MAP4K3: variants seen among roughly 807,000 people sequenced by gnomAD.
MAP4K3 encodes MAPK/ERK kinase kinase kinase 3.
In MAP4K3, 94 loss-of-function variants were observed where a neutral mutation model predicts 143.5. The ratio of observed to expected loss-of-function variants is 0.65; its 90% CI spans 0.55 to 0.78. MAP4K3 has a LOEUF of 0.78. MAP4K3 is among the 30% of genes least tolerant of loss of function. The pLI, the probability that MAP4K3 is intolerant of heterozygous loss-of-function variation, is 0.00. For missense variants in MAP4K3, 1,077 were observed against 1,068.1 expected (o/e 1.01, Z -0.12); for synonymous variants, 416 against 347.2 (o/e 1.20, Z -2.20).
At chr2:39,365,794 AC>A (rs1665906686) in intron 2 of MAP4K3, among the ~76,000 whole-genome samples, 1 of 152,196 alleles carries the variant, frequency 6.6e-6, no homozygotes, top group South Asian at 2.1e-4. Context: ...GTAAGCTTAG[AC>A]TACGAAAAAT....
At chr2:39,389,224 C>T (rs1666588662) in intron 1 of MAP4K3, among the ~76,000 whole-genome samples, 2 of 151,912 alleles carry the variant, frequency 1.3e-5, no homozygotes, top group African/African-American at 4.8e-5. Flanking sequence ...AAATTAAAAA[C>T]CTAACTGGTG....
chr2:39,290,368 C>T, intron 18 of MAP4K3, 34 bp from the exon 19 acceptor site: 8 of 1,441,256 alleles, frequency 5.6e-6, no homozygotes, highest in Non-Finnish European at 6.7e-6. Context: ...CAGAACTATT[C>T]ATTTTACAAA....
At chr2:39,352,850 C>T (rs571376641) in intron 3 of MAP4K3, among the ~76,000 whole-genome samples, 2 of 152,300 alleles carry the variant, frequency 1.3e-5, no homozygotes, top group South Asian at 4.1e-4. Flanking sequence ...GGTCAAACTA[C>T]ATTTGCTCAG....
chr2:39,307,615 T>C (rs1682756991), intron 15 of MAP4K3, among the ~76,000 whole-genome samples: 1 of 151,752 alleles, frequency 6.6e-6, no homozygotes, highest in Non-Finnish European at 1.5e-5. Context: ...TCTAGTTCAT[T>C]AAAACAAGTT....
chr2:39,265,666 C>A (rs1169070088), intron 27 of MAP4K3, among the ~76,000 whole-genome samples: 5 of 152,154 alleles, frequency 3.3e-5, no homozygotes, highest in African/African-American at 1.2e-4. Flanking sequence ...AGTTGTCAGA[C>A]TCCTAAGATA....
intron 24 of MAP4K3, among the ~76,000 whole-genome samples, chr2:39,275,095 C>CA (rs1558615439): frequency 6.6e-6 from 1 of 151,764 alleles, no homozygotes; most frequent in South Asian, 2.1e-4. Flanking sequence ...GGCAATGTTT[C>CA]AAAAAAAATT....
chr2:39,407,861 C>T (rs1171841747), intron 1 of MAP4K3, among the ~76,000 whole-genome samples: 1 of 152,168 alleles, frequency 6.6e-6, no homozygotes, highest in Non-Finnish European at 1.5e-5. Flanking sequence ...CAGGTGTAGG[C>T]CACTGTGTCT....
intron 22 of MAP4K3, 115 bp downstream of exon 22, chr2:39,282,398 G>C: frequency 1.2e-6 from 1 of 837,960 alleles, no homozygotes; most frequent in Non-Finnish European, 2.0e-6. Flanking sequence ...CAATCTTATA[G>C]ATTTTTTTTC....
intron 21 of MAP4K3, among the ~76,000 whole-genome samples, chr2:39,284,474 T>C (rs1681678312): frequency 6.6e-6 from 1 of 152,148 alleles, no homozygotes; most frequent in African/African-American, 2.4e-5. Context: ...CAAAACATCA[T>C]TTTAAATTAG....
intron 1 of MAP4K3, among the ~76,000 whole-genome samples, chr2:39,378,861 ATGTG>A (rs1666289203): frequency 6.6e-6 from 1 of 151,584 alleles, no homozygotes; most frequent in Non-Finnish European, 1.5e-5. Flanking sequence ...TAATTATATT[ATGTG>A]TATTTATGTG....
chr2:39,293,833 C>T (rs902897851), intron 16 of MAP4K3: 16 of 153,240 alleles, frequency 1.0e-4, no homozygotes, highest in African/African-American at 3.9e-4. Context: ...ACGGAAGACA[C>T]TCACTTACCT....
intron 2 of MAP4K3, among the ~76,000 whole-genome samples, chr2:39,358,398 G>T (rs1665671915): frequency 6.6e-6 from 1 of 152,164 alleles, no homozygotes. Context: ...TTTCTATGAT[G>T]ACTGTAAATC....
chr2:39,257,011 T>A (rs1442808198), intron 31 of MAP4K3, among the ~76,000 whole-genome samples: 1 of 152,210 alleles, frequency 6.6e-6, no homozygotes, highest in African/African-American at 2.4e-5. Flanking sequence ...AACATCTTGA[T>A]CAGATATCCC....
At chr2:39,326,861 G>A (rs1407870989) in intron 8 of MAP4K3, among the ~76,000 whole-genome samples, 1 of 152,100 alleles carries the variant, frequency 6.6e-6, no homozygotes, top group African/African-American at 2.4e-5. Flanking sequence ...GCCACCTTGT[G>A]AAGAAGGTGC....
At chr2:39,281,801 ATAATT>A (rs1389131122) in intron 22 of MAP4K3, among the ~76,000 whole-genome samples, 3 of 150,458 alleles carry the variant, frequency 2.0e-5, no homozygotes, top group African/African-American at 7.3e-5. Flanking sequence ...TAAAATATTT[ATAATT>A]TAAGTATTAT....
chr2:39,405,384 C>G (rs1410639441), intron 1 of MAP4K3, among the ~76,000 whole-genome samples: 2 of 152,180 alleles, frequency 1.3e-5, no homozygotes, highest in African/African-American at 4.8e-5. Context: ...TCCTTTACTG[C>G]AGGTATGGCT....
intron 4 of MAP4K3, among the ~76,000 whole-genome samples, chr2:39,341,507 A>G (rs1272064763): frequency 1.3e-5 from 2 of 151,930 alleles, no homozygotes; most frequent in Non-Finnish European, 2.9e-5. Flanking sequence ...AAATATAAAA[A>G]TTAGCCGGTG....
chr2:39,393,505 T>A (rs955080165), intron 1 of MAP4K3, among the ~76,000 whole-genome samples: 1 of 152,244 alleles, frequency 6.6e-6, no homozygotes, highest in Non-Finnish European at 1.5e-5. Context: ...AAGCTATGTA[T>A]AGCAAACTTC....
At chr2:39,309,810 G>A (rs772111517) in intron 13 of MAP4K3, among the ~76,000 whole-genome samples, 4 of 151,594 alleles carry the variant, frequency 2.6e-5, no homozygotes, top group African/African-American at 4.8e-5. Context: ...CACCCGCCTC[G>A]GCCTCCCAAA....
Sources: allele counts gnomAD v4.1 joint callset (sites outside exome capture counted in the v4.1 genomes callset), GRCh38; gene constraint gnomAD v4.1.1; transcripts MANE v1.5; gene names NCBI Gene and HGNC (gene_info 2026-07-23, HGNC 2026-07-21).